The following TKT variants were observed in gnomAD, a reference collection of about 807,000 sequenced individuals.
TKT encodes epididymis luminal protein 107.
TKT carries 47 observed loss-of-function variants against 63.9 expected under a neutral mutation model. The observed-to-expected ratio is 0.74, with a 90% CI of 0.58 to 0.94. The LOEUF (loss-of-function observed/expected upper bound fraction) is 0.94, where lower values mean the gene tolerates loss of function less well. TKT is among the 40% of genes least tolerant of loss of function. The pLI, the probability that TKT is intolerant of heterozygous loss-of-function variation, is 0.00. For missense variants in TKT, 721 were observed against 846.2 expected, an observed-to-expected ratio of 0.85 and a Z score of 1.84; for synonymous variants, 338 against 334.1, an observed-to-expected ratio of 1.01 and a Z score of -0.13.
chr3:53,249,128 G>C (rs1348391721), intron 1 of TKT, among the ~76,000 whole-genome samples: 2 of 151,354 alleles, frequency 1.3e-5, no homozygotes, highest in Non-Finnish European at 2.9e-5. Flanking sequence ...TACCATGCCC[G>C]ACTCATTTTT....
chr3:53,230,979 G>T (rs1314050286), intron 7 of TKT, among the ~76,000 whole-genome samples: 1 of 152,180 alleles, frequency 6.6e-6, no homozygotes, highest in Non-Finnish European at 1.5e-5. Context: ...GGTTCCCTTG[G>T]GACAGAAACC....
At position 53,235,068 on chromosome 3, in the gene TKT, G is replaced by C. The variant is rs1553678210; in HGVS notation, c.544C>G (p.Leu182Val). ...CTCTGGCCCAGGCGATTGATGTCTA[G>C]AATGGCCACAAGGTTGTCCAGCTTA... Reference protein sequence around the residue: ...IYKLDNLVAILDINRLGQSDP... With the variant: ...IYKLDNLVAIVDINRLGQSDP... Residue 182 changes from leucine to valine, a missense_variant, in exon 5 of 14, where the codon CTA (leucine) becomes GTA (valine). Coordinates refer to ENST00000462138, the MANE Select transcript of TKT (RefSeq NM_001064.4). 20 of 1,613,926 alleles carry C rather than the reference G, an allele frequency of 1.2e-5. No homozygotes were observed. The highest frequency in any genetic ancestry group is 1.5e-5 in the Non-Finnish European group (18 of 1,180,048).
In TKT at chr3:53,234,988, G is replaced by C; in HGVS notation, c.624C>G (p.Ala208=). Residue 208 remains alanine (A), a synonymous_variant, in exon 5 of 14, where the codon GCC becomes GCG. Transcript: ENST00000462138. ...GGCCACAGCCTCGTACATACCCGAA[G>C]GCCTCGCACCGCTTCTGGTAGATGT... is the stretch of plus-strand genomic sequence containing the variant. The part of the protein sequence containing the change: ...QMDIYQKRCE[A]FGWHAIIVDG... 1 of 1,612,174 alleles carries C rather than the reference G, an allele frequency of 6.2e-7. No individual in the cohort carries two copies. Among genetic ancestry groups the C allele is most frequent in the African/African-American group, 1.3e-5 (1 of 75,040 alleles).
At chr3:53,249,906 G>C (rs1008841638) in intron 1 of TKT, among the ~76,000 whole-genome samples, 47 of 152,188 alleles carry the variant, frequency 3.1e-4, no homozygotes, top group African/African-American at 9.7e-4. Context: ...TGATTTTGTG[G>C]AACTAGGCGA....
intron 6 of TKT, chr3:53,231,814 C>A: frequency 2.0e-6 from 1 of 494,616 alleles, no homozygotes; most frequent in Non-Finnish European, 3.6e-6. Context: ...AGGGGCCAGA[C>A]GTGGGCAGGT....
chr3:53,229,266 C>T lies in TKT; in HGVS notation c.1264+14G>A, dbSNP rs562339920. 4 of 1,614,016 alleles carry T rather than the reference C, an allele frequency of 2.5e-6. No homozygotes were observed. The highest frequency in any genetic ancestry group is 2.2e-5 in the East Asian group (1 of 44,878). On this transcript the variant is annotated intron_variant, in intron 9 of 13. Coordinates refer to ENST00000462138, the MANE Select transcript of TKT (RefSeq NM_001064.4). ...CAAGGGAGCTCCAGGTGTAAACACC[C>T]TGGCTAAACTCACCGATGGAAACGC...
At chr3:53,250,706 AG>A (rs1705706233) in intron 1 of TKT, among the ~76,000 whole-genome samples, 1 of 152,018 alleles carries the variant, frequency 6.6e-6, no homozygotes, top group African/African-American at 2.4e-5. Flanking sequence ...CAGGAGGCGG[AG>A]GCTGCAGTGA....
Position 53,228,379 on chromosome 3 carries a change from A to G in TKT, c.1396-20T>C. 1 of 1,613,308 alleles carries G rather than the reference A, an allele frequency of 6.2e-7. No homozygotes were observed. ...GATACCCTGAGACCGAAACAGATAAACTGAGGATACAGGATGTGGCACACC... is the reference window on the plus strand; with the variant it reads ...GATACCCTGAGACCGAAACAGATAAGCTGAGGATACAGGATGTGGCACACC... On this transcript the variant is annotated intron_variant, in intron 10 of 13. Transcript: ENST00000462138.
chr3:53,243,648 T>A, intron 1 of TKT: 1 of 456,180 alleles, frequency 2.2e-6, no homozygotes, highest in South Asian at 1.6e-5. Flanking sequence ...GAGGACATGG[T>A]AAACGAGAAA....
intron 8 of TKT, 95 bp from the exon 9 acceptor site, chr3:53,229,531 T>C: frequency 7.4e-7 from 1 of 1,351,490 alleles, no homozygotes; most frequent in East Asian, 2.5e-5. Context: ...ACAATTTGTA[T>C]ATAGATTGTC....
Position 53,233,243 on chromosome 3 carries a change from C to T in TKT, c.661G>A (p.Val221Met), listed in dbSNP as rs201042209. Residue 221 changes from valine to methionine, a missense_variant, in exon 6 of 14, where the codon GTG (valine) becomes ATG (methionine). Val to Met is a conservative substitution (Grantham distance 21). Coordinates refer to ENST00000462138, the MANE Select transcript of TKT (RefSeq NM_001064.4). ...CCAAAGGCCTTGCACAGCTCCTCCA[C>T]GCTGTGTCCATCCACGATGATGGCA... The part of the protein sequence containing the change: ...WHAIIVDGHS[V>M]EELCKAFGQA... 1.7e-5 allele frequency: 28 copies of T among 1,613,070 alleles called. No individual in the cohort carries two copies. Among genetic ancestry groups the T allele is most frequent in the Middle Eastern group, 1.6e-4 (1 of 6,076 alleles).
At chr3:53,246,532 T>G (rs1705512203) in intron 1 of TKT, among the ~76,000 whole-genome samples, 1 of 152,074 alleles carries the variant, frequency 6.6e-6, no homozygotes, top group Admixed American at 6.6e-5. Context: ...CCATATTGAT[T>G]TATGTACAAG....
chr3:53,241,679 AG>A (rs1705284451), intron 2 of TKT, among the ~76,000 whole-genome samples: 1 of 152,280 alleles, frequency 6.6e-6, no homozygotes, highest in African/African-American at 2.4e-5. Context: ...GGGGGGGGTC[AG>A]GGGGTCCCCA....
chr3:53,227,042 C>T (rs1553675716), intron 12 of TKT, 164 bp from the exon 13 acceptor site: 3 of 826,660 alleles, frequency 3.6e-6, no homozygotes, highest in Non-Finnish European at 5.5e-6. Flanking sequence ...GTTCCCATGG[C>T]TGAGCTCATG....
chr3:53,227,213 A>G (rs1185303926), intron 12 of TKT: 2 of 222,306 alleles, frequency 9.0e-6, no homozygotes, highest in Non-Finnish European at 1.8e-5. Flanking sequence ...GTCTGGCCTG[A>G]TGGAAGGTGA....
intron 1 of TKT, among the ~76,000 whole-genome samples, chr3:53,254,097 G>A (rs782613072): frequency 1.3e-4 from 20 of 152,166 alleles, no homozygotes; most frequent in Non-Finnish European, 2.5e-4. Flanking sequence ...TACCTACTTG[G>A]CAGCTCAGGA....
At chr3:53,238,992 G>A (rs1388794785) in intron 4 of TKT, among the ~76,000 whole-genome samples, 3 of 152,218 alleles carry the variant, frequency 2.0e-5, no homozygotes, top group Admixed American at 6.5e-5. Flanking sequence ...ATTCCTACTG[G>A]TTGTGGGAGG....
intron 6 of TKT, 109 bp from the exon 7 acceptor site, chr3:53,231,659 A>ATGCC: frequency 1.7e-6 from 2 of 1,202,494 alleles, no homozygotes; most frequent in South Asian, 1.5e-5. Flanking sequence ...GCAAGGGAGG[A>ATGCC]ATGGCATCAT....
intron 5 of TKT, 172 bp downstream of exon 5, chr3:53,234,811 C>T (rs1446463543): frequency 6.6e-6 from 4 of 603,880 alleles, no homozygotes; most frequent in Non-Finnish European, 1.1e-5. Flanking sequence ...TATCCTGAGC[C>T]ATTAAGTCCA....
Sources: allele counts gnomAD v4.1 joint callset (sites outside exome capture counted in the v4.1 genomes callset), GRCh38; gene constraint gnomAD v4.1.1; transcripts MANE v1.5; gene names NCBI Gene and HGNC (gene_info 2026-07-23, HGNC 2026-07-21).